DACH2: variants seen among roughly 807,000 people sequenced by gnomAD.
DACH2 encodes dachshund family transcription factor 2, also known as dachshund homolog 2.
A neutral mutation model predicts 35.8 loss-of-function variants in DACH2; 17 were observed. The ratio of observed to expected loss-of-function variants is 0.48; its 90% CI spans 0.33 to 0.71. The LOEUF (loss-of-function observed/expected upper bound fraction) is 0.71, where lower values mean the gene tolerates loss of function less well. Among genes scored for constraint, DACH2 ranks in the 30% least tolerant of loss-of-function variants. The pLI, the probability that DACH2 is intolerant of heterozygous loss-of-function variation, is 0.02. For synonymous variants in DACH2, 195 were observed against 177.3 expected (o/e 1.10, Z -0.79); for missense variants, 469 against 472.7 (o/e 0.99, Z 0.07).
intron 1 of DACH2, among the ~76,000 whole-genome samples, chrX:86,221,557 G>T (rs1446124415): frequency 8.9e-6 from 1 of 111,835 alleles, no homozygotes; most frequent in Non-Finnish European, 1.9e-5. Flanking sequence ...GACTTTTGTG[G>T]TTCCACATGA....
At chrX:86,624,100 A>G (rs1025912541) in intron 3 of DACH2, among the ~76,000 whole-genome samples, 1 of 106,661 alleles carries the variant, frequency 9.4e-6, no homozygotes, top group African/African-American at 3.5e-5. Context: ...TGCAGTTCAT[A>G]TTTCTTTTTA....
rs141100846 is a variant in DACH2 at position 86,213,816 on chromosome X, T to C, written c.488+64708T>C. 6.5e-4 allele frequency among the ~76,000 whole-genome samples: 72 copies of C among 111,282 alleles called. 1 individual carries two copies. In the East Asian group the frequency reaches 0.013, roughly 20 times the overall value. ...TTAAAATTCCAGCTGCCTTCAGTAT[T>C]GTCTACTTCATGTATCCCAAACTGA... On this transcript the variant is annotated intron_variant, in intron 1 of 11. Transcript: ENST00000373125.
At chrX:86,305,411 G>GA (rs893880552) in intron 1 of DACH2, among the ~76,000 whole-genome samples, 19 of 109,122 alleles carry the variant, frequency 1.7e-4, no homozygotes, top group Middle Eastern at 4.7e-3. Context: ...TTCTTGCCTA[G>GA]AAAAAAAAAT....
intron 3 of DACH2, among the ~76,000 whole-genome samples, chrX:86,630,381 C>A (rs1035777033): frequency 9.2e-6 from 1 of 109,159 alleles, no homozygotes; most frequent in African/African-American, 3.3e-5. Flanking sequence ...TATATATACA[C>A]ACATACATAT....
At chrX:86,610,083 G>T (rs768702630) in intron 3 of DACH2, among the ~76,000 whole-genome samples, 57 of 111,837 alleles carry the variant, frequency 5.1e-4, no homozygotes, top group Non-Finnish European at 6.8e-4. Flanking sequence ...GAGGTTCTAA[G>T]TGCCATCCAG....
intron 3 of DACH2, among the ~76,000 whole-genome samples, chrX:86,610,058 C>T (rs1265854057): frequency 2.7e-5 from 3 of 111,891 alleles, no homozygotes; most frequent in South Asian, 3.7e-4. Context: ...GCAACGAGGT[C>T]CCCTAGGCCT....
At chrX:86,692,637 G>T (rs1425416640) in intron 4 of DACH2, among the ~76,000 whole-genome samples, 3 of 111,669 alleles carry the variant, frequency 2.7e-5, no homozygotes, top group African/African-American at 9.8e-5. Flanking sequence ...CTCCAATATT[G>T]CTGTGTTGCT....
At chrX:86,785,853 A>G (rs1344836667) in intron 7 of DACH2, among the ~76,000 whole-genome samples, 1 of 111,272 alleles carries the variant, frequency 9.0e-6, no homozygotes, top group African/African-American at 3.3e-5. Flanking sequence ...TCCCCCCTAA[A>G]TTACAATTCA....
chrX:86,516,324 A>G (rs908320989), intron 3 of DACH2, among the ~76,000 whole-genome samples: 2 of 111,718 alleles, frequency 1.8e-5, no homozygotes, highest in African/African-American at 6.5e-5. Context: ...GGGAATGTAC[A>G]GATGAAAGAA....
intron 3 of DACH2, among the ~76,000 whole-genome samples, chrX:86,553,284 G>T (rs1419960866): frequency 9.0e-6 from 1 of 111,534 alleles, no homozygotes; most frequent in Non-Finnish European, 1.9e-5. Context: ...GAAGCAACCA[G>T]CATGGGAGAA....
chrX:86,315,999 G>A (rs182086807), intron 1 of DACH2, among the ~76,000 whole-genome samples: 47 of 110,913 alleles, frequency 4.2e-4, no homozygotes, highest in African/African-American at 1.5e-3. Context: ...ATCTTCCTAA[G>A]GCCCAAAGAT....
chrX:86,274,243 T>A (rs2033865592), intron 1 of DACH2, among the ~76,000 whole-genome samples: 1 of 110,373 alleles, frequency 9.1e-6, no homozygotes, highest in South Asian at 3.9e-4. Context: ...AACTATGTAT[T>A]GTGTGTTTTG....
intron 2 of DACH2, among the ~76,000 whole-genome samples, chrX:86,394,982 A>C (rs182980584): frequency 8.9e-6 from 1 of 112,070 alleles, no homozygotes; most frequent in Non-Finnish European, 1.9e-5. Flanking sequence ...CATGGCCGTC[A>C]TCCCTACTCG....
chrX:86,643,332 A>G (rs941482950), intron 3 of DACH2, among the ~76,000 whole-genome samples: 2 of 110,902 alleles, frequency 1.8e-5, no homozygotes, highest in African/African-American at 6.6e-5. Flanking sequence ...GCTACTACAA[A>G]CATTTCTACA....
At chrX:86,638,116 C>T (rs1274256455) in intron 3 of DACH2, among the ~76,000 whole-genome samples, 1 of 111,418 alleles carries the variant, frequency 9.0e-6, no homozygotes, top group Non-Finnish European at 1.9e-5. Flanking sequence ...CATGTACATA[C>T]AGCCAACTGA....
intron 2 of DACH2, among the ~76,000 whole-genome samples, chrX:86,450,141 T>A (rs1279354428): frequency 9.0e-6 from 1 of 111,097 alleles, no homozygotes; most frequent in Non-Finnish European, 1.9e-5. Flanking sequence ...ACGTGTGCTA[T>A]GTTGTTTTGC....
At chrX:86,290,319 T>C (rs1433654578) in intron 1 of DACH2, among the ~76,000 whole-genome samples, 49 of 67,136 alleles carry the variant, frequency 7.3e-4, no homozygotes, top group Admixed American at 1.4e-3. Context: ...ATTCTGGATA[T>C]TAGCCCTTTG....
intron 3 of DACH2, among the ~76,000 whole-genome samples, chrX:86,529,946 TACACACACACAC>T (rs779572561): frequency 1.3e-5 from 1 of 79,175 alleles, no homozygotes; most frequent in African/African-American, 4.4e-5. Flanking sequence ...CCATTGTACA[TACACACACACAC>T]ACACACACAC....
At chrX:86,673,335 C>CAAAAAAAAAA (rs56877612) in intron 4 of DACH2, among the ~76,000 whole-genome samples, 4 of 43,195 alleles carry the variant, frequency 9.3e-5, no homozygotes, top group Non-Finnish European at 1.1e-4. Flanking sequence ...GACTCCGTCT[C>CAAAAAAAAAA]AAAAAAAAAA....
Sources: gnomAD v4.1 joint callset for allele counts (sites outside exome capture counted in the v4.1 genomes callset) on GRCh38, gnomAD v4.1.1 for gene constraint, MANE v1.5 for transcripts, NCBI Gene and HGNC (gene_info 2026-07-23, HGNC 2026-07-21) for gene names.